LPAR1: variants seen among roughly 807,000 people sequenced by gnomAD.
LPAR1 encodes the protein lysophosphatidic acid receptor 1.
Under a neutral mutation model 23.8 loss-of-function variants are expected in LPAR1, and 5 were observed. The ratio of observed to expected loss-of-function variants is 0.21; its 90% CI spans 0.11 to 0.44. The LOEUF (loss-of-function observed/expected upper bound fraction) is 0.44. LPAR1 is among the 20% of genes least tolerant of loss of function. LPAR1 has a pLI of 0.99. For synonymous variants in LPAR1, 160 were observed against 164.7 expected, an observed-to-expected ratio of 0.97 and a Z score of 0.22; for missense variants, 311 against 482.8, an observed-to-expected ratio of 0.64 and a Z score of 3.33.
chr9:110,931,155 T>G (rs1186883103), intron 5 of LPAR1, among the ~76,000 whole-genome samples: 2 of 152,222 alleles, frequency 1.3e-5, no homozygotes, highest in Admixed American at 1.3e-4. Context: ...ATAATTCCTT[T>G]GCCTAGGCTT....
Position 110,997,246 on chromosome 9 carries a change from C to T in LPAR1, c.-181-23688G>A, listed in dbSNP as rs531606501. Among the ~76,000 whole-genome samples the T allele has an allele frequency of 3.3e-5, 5 of 152,194 alleles. No homozygotes were observed. In the South Asian group the frequency reaches 8.3e-4, roughly 25 times the overall value. ...TTCCATCATTTACTTAGTTTTGGGG[C>T]CCCATCTACTTCCAAATAAGTTTCA... is the stretch of plus-strand genomic sequence containing the variant. On this transcript the variant is annotated intron_variant, in intron 2 of 5. Transcript: ENST00000683809.
intron 5 of LPAR1, among the ~76,000 whole-genome samples, chr9:110,883,819 C>T (rs2081547645): frequency 6.6e-6 from 1 of 152,194 alleles, no homozygotes; most frequent in Non-Finnish European, 1.5e-5. Flanking sequence ...CGCTGACTTA[C>T]TAACCCAATC....
chr9:110,932,450 A>G (rs2094469105), intron 5 of LPAR1, among the ~76,000 whole-genome samples: 1 of 152,258 alleles, frequency 6.6e-6, no homozygotes, highest in African/African-American at 2.4e-5. Flanking sequence ...AACAGCAATC[A>G]GGTCTCATGA....
At chr9:110,943,696 C>T (rs894381652) in intron 4 of LPAR1, among the ~76,000 whole-genome samples, 1 of 151,886 alleles carries the variant, frequency 6.6e-6, no homozygotes, top group Non-Finnish European at 1.5e-5. Context: ...CCCCTCTCTA[C>T]TAAAAATACA....
intron 5 of LPAR1, among the ~76,000 whole-genome samples, chr9:110,915,354 T>C (rs965827045): frequency 3.3e-5 from 5 of 151,974 alleles, no homozygotes; most frequent in African/African-American, 7.2e-5. Context: ...CTGACCAACA[T>C]AGTGAAACCC....
intron 5 of LPAR1, among the ~76,000 whole-genome samples, chr9:110,906,869 C>T (rs925955621): frequency 6.6e-6 from 1 of 151,200 alleles, no homozygotes. Flanking sequence ...GATATATATG[C>T]TTTGAAGGCC....
At chr9:110,888,054 T>A (rs1037927103) in intron 5 of LPAR1, among the ~76,000 whole-genome samples, 1 of 152,192 alleles carries the variant, frequency 6.6e-6, no homozygotes, top group Non-Finnish European at 1.5e-5. Flanking sequence ...TGATACCAAG[T>A]CATCAGATGC....
At chr9:111,022,252 G>C (rs981286050) in intron 2 of LPAR1, among the ~76,000 whole-genome samples, 1 of 152,118 alleles carries the variant, frequency 6.6e-6, no homozygotes, top group African/African-American at 2.4e-5. Context: ...TAATAGGACT[G>C]GGAGAATGAT....
chr9:110,881,927 G>A (rs1588116489), intron 5 of LPAR1, among the ~76,000 whole-genome samples: 2 of 151,944 alleles, frequency 1.3e-5, no homozygotes, highest in Non-Finnish European at 1.5e-5. Flanking sequence ...CTTTCCACTC[G>A]CTCCTCATTT....
intron 5 of LPAR1, among the ~76,000 whole-genome samples, chr9:110,883,943 T>C (rs992174889): frequency 1.3e-5 from 2 of 152,126 alleles, no homozygotes; most frequent in Admixed American, 6.5e-5. Flanking sequence ...GAATCTCTTT[T>C]CTTCTCCCTC....
At chr9:110,963,438 T>C (rs1030242708) in intron 4 of LPAR1, among the ~76,000 whole-genome samples, 1 of 152,172 alleles carries the variant, frequency 6.6e-6, no homozygotes, top group Non-Finnish European at 1.5e-5. Flanking sequence ...GAGTTTTCCA[T>C]AGAGTGTTTA....
At chr9:111,030,846 T>G (rs1046315017) in intron 2 of LPAR1, among the ~76,000 whole-genome samples, 2 of 152,170 alleles carry the variant, frequency 1.3e-5, no homozygotes, top group Non-Finnish European at 2.9e-5. Flanking sequence ...CTTCTCACTC[T>G]TGATGGCAGC....
At position 110,875,463 on chromosome 9, in the gene LPAR1, G is replaced by A. The variant is rs139563572; in HGVS notation, c.1053C>T (p.Thr351=). ...CATTGCTGTGAACTCCAGCCAAGAT[G>A]GTGTGGTTGAGGGAGGAAGCCGAGC... ...SDRSASSLNH[T]ILAGVHSNDH... Residue 351 remains threonine (T), a synonymous_variant, in exon 6 of 6, where the codon ACC becomes ACT. Coordinates refer to ENST00000683809, the MANE Select transcript of LPAR1 (RefSeq NM_001351411.2). 3 of 1,613,990 alleles carry A rather than the reference G, an allele frequency of 1.9e-6. No individual in the cohort carries two copies. In the African/African-American group the frequency reaches 4.0e-5, roughly 22 times the overall value.
At position 110,920,909 on chromosome 9, in the gene LPAR1, G is replaced by A. The variant is rs565204397; in HGVS notation, c.793+20512C>T. ...AGACTGATGTGGGAGGAATACTTGA[G>A]GCCAGGAGTCCCAGACCAGCCTGGG... On this transcript the variant is annotated intron_variant, in intron 5 of 5. Transcript: ENST00000683809. Among the ~76,000 whole-genome samples the A allele has an allele frequency of 2.6e-4, 39 of 152,232 alleles. No homozygotes were observed. The South Asian group carries it at 8.1e-3, about 32-fold the overall frequency.
chr9:111,002,760 T>C (rs942019556), intron 2 of LPAR1, among the ~76,000 whole-genome samples: 1 of 152,142 alleles, frequency 6.6e-6, no homozygotes, highest in African/African-American at 2.4e-5. Flanking sequence ...TTAACAACTT[T>C]CAGTAAAAGA....
chr9:111,003,704 A>G (rs1285544265), intron 2 of LPAR1, among the ~76,000 whole-genome samples: 1 of 152,120 alleles, frequency 6.6e-6, no homozygotes, highest in African/African-American at 2.4e-5. Flanking sequence ...CCAGGTCAGA[A>G]GCTTCCTCCT....
chr9:110,983,034 A>G (rs113558128), intron 2 of LPAR1, among the ~76,000 whole-genome samples: 2,613 of 152,200 alleles, frequency 0.017, 80 homozygotes, highest in African/African-American at 0.059. Context: ...CAAGGATGTG[A>G]ACAAACTGGA....
chr9:110,932,136 T>C (rs1428571675), intron 5 of LPAR1, among the ~76,000 whole-genome samples: 1 of 152,210 alleles, frequency 6.6e-6, no homozygotes, highest in Non-Finnish European at 1.5e-5. Context: ...AATTTTTGGC[T>C]ACCTGGGTAT....
At chr9:110,888,998 T>G (rs184586490) in intron 5 of LPAR1, among the ~76,000 whole-genome samples, 1 of 152,306 alleles carries the variant, frequency 6.6e-6, no homozygotes, top group East Asian at 1.9e-4. Context: ...TACAACTCTT[T>G]GAAGCAGTTT....
Sources: gnomAD v4.1 joint callset for allele counts (sites outside exome capture counted in the v4.1 genomes callset) on GRCh38, gnomAD v4.1.1 for gene constraint, MANE v1.5 for transcripts, NCBI Gene and HGNC (gene_info 2026-07-23, HGNC 2026-07-21) for gene names.